Variants in ASIC4 observed in about 807,000 individuals in gnomAD.
The protein encoded by ASIC4 is acid-sensing ion channel 4.
ASIC4 carries 28 observed loss-of-function variants against 53.4 expected under a neutral mutation model. The ratio of observed to expected loss-of-function variants is 0.52; its 90% confidence interval spans 0.39 to 0.72. The LOEUF is 0.72. Among genes scored for constraint, ASIC4 ranks in the 30% least tolerant of loss-of-function variants. The pLI, the probability that ASIC4 is intolerant of heterozygous loss-of-function variation, is 0.00. For synonymous variants in ASIC4, 289 were observed against 301.4 expected, an observed-to-expected ratio of 0.96 and a Z score of 0.43; for missense variants, 649 against 729.7, an observed-to-expected ratio of 0.89 and a Z score of 1.27.
At chr2:219,523,543 C>T (rs146946353) in intron 1 of ASIC4, among the ~76,000 whole-genome samples, 2 of 152,180 alleles carry the variant, frequency 1.3e-5, no homozygotes, top group African/African-American at 4.8e-5. Flanking sequence ...CCTGTATGCA[C>T]GTGTAGAACT....
At chr2:219,534,129 T>C (rs1053084582) in intron 5 of ASIC4, 1 of 145,422 alleles carries the variant, frequency 6.9e-6, no homozygotes, top group South Asian at 2.2e-4. Context: ...TCCAATGAGA[T>C]AGGAGGGGAG....
the ASIC4 span, among the ~76,000 whole-genome samples, chr2:219,508,129 T>C: frequency 1.3e-5 from 2 of 152,110 alleles, no homozygotes; most frequent in Admixed American, 6.5e-5. Flanking sequence ...TCATTATCTC[T>C]CTTCATGGGA....
At position 219,538,152 on chromosome 2, in the gene ASIC4, G is replaced by A; in HGVS notation, c.*106G>A. ...GCCTGGGGGCGGTGCTCACTGGGAG[G>A]GCCAGGACTCAGTTCCTGCTCTCAT... is the stretch of plus-strand genomic sequence containing the variant. On this transcript the variant is annotated 3_prime_UTR_variant, in exon 10 of 10. Coordinates refer to ENST00000358078, the MANE Select transcript of ASIC4 (RefSeq NM_018674.6). 1.0e-6 allele frequency: 1 copy of A among 955,302 alleles called. No homozygotes were observed. The highest frequency in any genetic ancestry group is 1.6e-6 in the Non-Finnish European group (1 of 610,504). 59.2% of individuals were successfully genotyped at this position (955,302 alleles called of 1,614,324 possible).
upstream of ASIC4, among the ~76,000 whole-genome samples, chr2:219,510,841 AC>A (rs1293782210): frequency 3.5e-5 from 5 of 143,922 alleles, no homozygotes; most frequent in Non-Finnish European, 7.7e-5. The surrounding 1 kb of genome is among the most constrained non-coding windows in gnomAD (Gnocchi z 5.2). Context: ...GGGACTCCCC[AC>A]CCCCCTTCTC....
intron 5 of ASIC4, 77 bp downstream of exon 5, chr2:219,533,016 G>C (rs1372413405): frequency 6.9e-7 from 1 of 1,455,006 alleles, no homozygotes; most frequent in South Asian, 1.1e-5. Context: ...CACTGTCTTG[G>C]ATCCTCCCCT....
chr2:219,531,980 G>T (rs984904881), intron 2 of ASIC4, 21 bp from the exon 3 acceptor site: 4 of 1,614,050 alleles, frequency 2.5e-6, no homozygotes, highest in Admixed American at 3.3e-5. Flanking sequence ...GTTTCCAAAG[G>T]TCCCCATCTC....
At chr2:219,521,950 CAGG>C (rs1007575747) in intron 1 of ASIC4, among the ~76,000 whole-genome samples, 7 of 152,226 alleles carry the variant, frequency 4.6e-5, no homozygotes, top group Middle Eastern at 6.8e-3. Context: ...GATGGGAAGG[CAGG>C]AGGAGGACAG....
At chr2:219,528,229 T>C (rs1307567448) in intron 1 of ASIC4, among the ~76,000 whole-genome samples, 1 of 152,192 alleles carries the variant, frequency 6.6e-6, no homozygotes, top group East Asian at 1.9e-4. Flanking sequence ...GAATTTTGTT[T>C]TTCTGTTTTT....
At chr2:219,511,646 C>T (rs1694703076), upstream of ASIC4, among the ~76,000 whole-genome samples, 1 of 152,130 alleles carries the variant, frequency 6.6e-6, no homozygotes, top group Non-Finnish European at 1.5e-5. This position sits in a 1 kb window ranked among gnomAD's most constrained non-coding sequence, Gnocchi z 5.3. Context: ...TCACACCCAG[C>T]TCAGGGCCTG....
chr2:219,531,535 G>A (rs1695041305), intron 1 of ASIC4, among the ~76,000 whole-genome samples: 1 of 152,212 alleles, frequency 6.6e-6, no homozygotes, highest in Non-Finnish European at 1.5e-5. Context: ...TTGGGAAGGT[G>A]TTGATGTGCT....
rs145575060 is a variant in ASIC4 at position 219,535,182 on chromosome 2, G to A, written c.1087G>A (p.Gly363Arg). The A allele has an allele frequency of 6.9e-5, 112 of 1,613,116 alleles. 1 individual carries two copies. The highest frequency in any genetic ancestry group is 8.9e-5 in the Non-Finnish European group (105 of 1,179,572). Reference sequence around the variant, plus strand: ...CCTCTGTGTTGCAGACTCCCTGGGTGGGGGCCCTGAGGGCCCGTGCTTCTG... The same window carrying A: ...CCTCTGTGTTGCAGACTCCCTGGGTAGGGGCCCTGAGGGCCCGTGCTTCTG... Reference protein sequence around the residue: ...CADHTLDSLGGGPEGPCFCPT... With the variant: ...CADHTLDSLGRGPEGPCFCPT... The change falls in exon 6 of 10, where the codon GGG becomes AGG. Residue 363 changes from glycine to arginine, a missense_variant. By Grantham distance (125) the Gly-to-Arg change is moderately radical. Coordinates refer to ENST00000358078, the MANE Select transcript of ASIC4 (RefSeq NM_018674.6).
rs1694752420 is a variant in ASIC4 at position 219,514,666 on chromosome 2, T to G, written c.-59T>G. 1.9e-6 allele frequency: 3 copies of G among 1,613,022 alleles called. No individual in the cohort carries two copies. The South Asian group carries it at 3.3e-5, about 18-fold the overall frequency. On this transcript the variant is annotated 5_prime_UTR_variant, in exon 1 of 10. Transcript: ENST00000358078. ...CTGCCACTCGGGAGGGCACCAGGGC[T>G]GCTGGCTAGGGAGGGACAGGGCAGG...
At position 219,518,051 on chromosome 2, in the gene ASIC4, C is replaced by A. The variant is rs1467367512; in HGVS notation, c.582+2745C>A. Among the ~76,000 whole-genome samples, 4 of 152,186 alleles carry A rather than the reference C, an allele frequency of 2.6e-5. No individual in the cohort carries two copies. The highest frequency in any genetic ancestry group is 7.2e-5 in the African/African-American group (3 of 41,442). The stretch of plus-strand genomic sequence containing the variant: ...GTTACCACTGCAATCGCTCTCCCCC[C>A]ACGCTCCCTAATATCCCTTCATGCA... On this transcript the variant is annotated intron_variant, in intron 1 of 9. Transcript: ENST00000358078. The surrounding 1 kb of genome is among the most constrained non-coding windows in gnomAD (Gnocchi z 4.8).
chr2:219,514,116 G>A, upstream of ASIC4: 1 of 568,200 alleles, frequency 1.8e-6, no homozygotes, highest in East Asian at 3.0e-5. Flanking sequence ...ATGAGCTGAG[G>A]ACCCTGGGCA....
upstream of ASIC4, among the ~76,000 whole-genome samples, chr2:219,511,751 G>C (rs894843435): frequency 6.6e-6 from 1 of 151,336 alleles, no homozygotes; most frequent in Non-Finnish European, 1.5e-5. This position sits in a 1 kb window ranked among gnomAD's most constrained non-coding sequence, Gnocchi z 5.3. Context: ...GAGCTTGGGC[G>C]CAGGGCCGGG....
At chr2:219,526,127 C>T (rs1300862302) in intron 1 of ASIC4, among the ~76,000 whole-genome samples, 1 of 152,148 alleles carries the variant, frequency 6.6e-6, no homozygotes, top group Non-Finnish European at 1.5e-5. Context: ...AGGGAGGATG[C>T]AAGCAAGCCA....
Position 219,536,601 on chromosome 2 carries a change from G to A in ASIC4, c.1230-465G>A, listed in dbSNP as rs1032016734. On this transcript the variant is annotated intron_variant, in intron 6 of 9. Transcript: ENST00000358078. The surrounding 1 kb of genome is among the most constrained non-coding windows in gnomAD (Gnocchi z 4.6). The stretch of plus-strand genomic sequence containing the variant: ...GGCGTCCAGTGACAGGACGTGGGGC[G>A]GTGGGGTGGTGTGGCGGGGAGCCTG... Among the ~76,000 whole-genome samples the A allele has an allele frequency of 2.0e-5, 3 of 152,144 alleles. No homozygotes were observed. Among genetic ancestry groups the A allele is most frequent in the East Asian group, 1.9e-4 (1 of 5,180 alleles).
rs776113469 is a variant in ASIC4, at chr2:219,535,181, T to C, written c.1086T>C (p.Gly362=). 13 of 1,613,096 alleles carry C rather than the reference T, an allele frequency of 8.1e-6. No individual in the cohort carries two copies. The East Asian group carries it at 2.5e-4, about 30-fold the overall frequency. The change falls in exon 6 of 10, where the codon GGT becomes GGC. Residue 362 remains glycine, a synonymous_variant. Coordinates refer to ENST00000358078, the MANE Select transcript of ASIC4 (RefSeq NM_018674.6). ...ACCTCTGTGTTGCAGACTCCCTGGG[T>C]GGGGGCCCTGAGGGCCCGTGCTTCT... ...ECADHTLDSL[G]GGPEGPCFCP...
rs912289027 is a variant in ASIC4, at chr2:219,536,557, AGAGAG to A, written c.1230-505_1230-501del. 1.3e-5 allele frequency among the ~76,000 whole-genome samples: 2 copies of A among 150,134 alleles called. No homozygotes were observed. The highest frequency in any genetic ancestry group is 1.3e-4 in the Admixed American group (2 of 15,160). On this transcript the variant is annotated intron_variant, in intron 6 of 9. Coordinates refer to ENST00000358078, the MANE Select transcript of ASIC4 (RefSeq NM_018674.6). This position sits in a 1 kb window ranked among gnomAD's most constrained non-coding sequence, Gnocchi z 4.6. ...CTGAGGGCCCTGGGTTTGGGGTCTG[AGAGAG>A]GAGGCAATGGGGAGGCGTCCAGTGA...
Sources: gnomAD v4.1 joint callset for allele counts (sites outside exome capture counted in the v4.1 genomes callset) on GRCh38, gnomAD v4.1.1 for gene constraint, Gnocchi (gnomAD v3.1) non-coding constraint, MANE v1.5 for transcripts, NCBI Gene and HGNC (gene_info 2026-07-23, HGNC 2026-07-21) for gene names.